MCC: variants seen among roughly 807,000 people sequenced by gnomAD.
The protein encoded by MCC is MCC regulator of Wnt signaling pathway, also known as colorectal mutant cancer protein.
Under a neutral mutation model 116.2 loss-of-function variants are expected in MCC, and 90 were observed. The ratio of observed to expected loss-of-function variants is 0.77; its 90% CI spans 0.65 to 0.92. The LOEUF is 0.92. Among genes scored for constraint, MCC ranks in the 40% least tolerant of loss-of-function variants. MCC has a pLI of 0.00. For synonymous variants in MCC, 578 were observed against 510.5 expected (o/e 1.13, Z -1.78); for missense variants, 1,516 against 1,312.2 (o/e 1.16, Z -2.40).
chr5:113,311,535 C>T (rs536098796), intron 3 of MCC, among the ~76,000 whole-genome samples: 2 of 152,306 alleles, frequency 1.3e-5, no homozygotes, highest in South Asian at 2.1e-4. Context: ...CAGTCAAGAA[C>T]AGCAGCTGCC....
At chr5:113,455,392 C>A (rs1771515630) in intron 1 of MCC, among the ~76,000 whole-genome samples, 1 of 152,118 alleles carries the variant, frequency 6.6e-6, no homozygotes, top group South Asian at 2.1e-4. Context: ...CCATCACCAC[C>A]ACCACCCCAC....
chr5:113,070,972 T>C (rs992326292), intron 12 of MCC, 122 bp downstream of exon 12: 1 of 1,072,278 alleles, frequency 9.3e-7, no homozygotes, highest in Non-Finnish European at 1.3e-6. Context: ...AACCGCCAGA[T>C]ATGCCTTGGT....
At chr5:113,293,860 A>G (rs1246927850) in intron 3 of MCC, among the ~76,000 whole-genome samples, 1 of 152,174 alleles carries the variant, frequency 6.6e-6, no homozygotes, top group East Asian at 1.9e-4. Context: ...GAACGTAGCC[A>G]AACGCATCGC....
At chr5:113,133,460 A>G (rs910600654) in intron 5 of MCC, among the ~76,000 whole-genome samples, 9 of 151,180 alleles carry the variant, frequency 6.0e-5, no homozygotes, top group Non-Finnish European at 1.3e-4. Flanking sequence ...TTGCTGTGAC[A>G]GGATTTCATT....
At chr5:113,098,421 G>C (rs894811497) in intron 8 of MCC, among the ~76,000 whole-genome samples, 1 of 152,210 alleles carries the variant, frequency 6.6e-6, no homozygotes, top group Non-Finnish European at 1.5e-5. Flanking sequence ...GTCTGGCACA[G>C]AGATGACCAA....
At chr5:113,364,066 T>C (rs1182032240) in intron 2 of MCC, among the ~76,000 whole-genome samples, 6 of 151,642 alleles carry the variant, frequency 4.0e-5, no homozygotes, top group African/African-American at 9.7e-5. Context: ...ACCTCGTCTG[T>C]ACTAAAATGC....
intron 3 of MCC, among the ~76,000 whole-genome samples, chr5:113,153,484 A>C (rs1760002926): frequency 6.6e-6 from 1 of 152,200 alleles, no homozygotes; most frequent in African/African-American, 2.4e-5. Flanking sequence ...TAGAGTGATA[A>C]TACCTTCTGG....
At chr5:113,273,676 G>A (rs1254306136) in intron 3 of MCC, among the ~76,000 whole-genome samples, 1 of 152,134 alleles carries the variant, frequency 6.6e-6, no homozygotes, top group Non-Finnish European at 1.5e-5. Flanking sequence ...AGTAGGTATG[G>A]GGTGGTGCCA....
chr5:113,280,666 G>A (rs1766008670), intron 3 of MCC, among the ~76,000 whole-genome samples: 1 of 152,200 alleles, frequency 6.6e-6, no homozygotes, highest in Admixed American at 6.5e-5. Context: ...ATCACAGGAA[G>A]AAGGGGCAGT....
rs1357719104 is a variant in MCC at position 113,122,756 on chromosome 5, G to A, written c.955C>T (p.Arg319Ter). The change falls in exon 6 of 19, where the codon CGA becomes TGA. Residue 319 changes from arginine (R) to a stop codon, truncating the protein, a stop_gained. Transcript: ENST00000408903. LOFTEE classifies it high-confidence loss of function. ...GAGGTCTGGTCTTGGTCCATGCTTC[G>A]AGAGTCCTCGTTGACCTCGTGTTGG... is the stretch of plus-strand genomic sequence containing the variant. The part of the protein sequence containing the change: ...QSQHEVNEDS[R>*]SMDQDQTSVS... The A allele has an allele frequency of 3.1e-6, 5 of 1,614,036 alleles. No homozygotes were observed. The highest frequency in any genetic ancestry group is 1.3e-5 in the African/African-American group (1 of 74,918).
chr5:113,028,680 A>G (rs1380781163), intron 18 of MCC, among the ~76,000 whole-genome samples: 2 of 152,226 alleles, frequency 1.3e-5, no homozygotes, highest in Admixed American at 1.3e-4. Context: ...CAGGAGGCAT[A>G]TACCACAGTA....
chr5:113,260,010 T>C (rs1474238076), intron 3 of MCC, among the ~76,000 whole-genome samples: 1 of 152,078 alleles, frequency 6.6e-6, no homozygotes, highest in Non-Finnish European at 1.5e-5. Context: ...AATTTGTTGA[T>C]TAACAAATAT....
chr5:113,211,199 G>A (rs1489534819), intron 3 of MCC, among the ~76,000 whole-genome samples: 1 of 152,178 alleles, frequency 6.6e-6, no homozygotes, highest in Non-Finnish European at 1.5e-5. Context: ...AGACCCCAGA[G>A]AGCTCGCTTG....
chr5:113,398,030 T>C (rs1166472703), intron 1 of MCC, among the ~76,000 whole-genome samples: 1 of 152,202 alleles, frequency 6.6e-6, no homozygotes, highest in East Asian at 1.9e-4. Flanking sequence ...GCAAAGGACA[T>C]GAACAGACAC....
chr5:113,197,599 T>C (rs1325874728), intron 3 of MCC, among the ~76,000 whole-genome samples: 1 of 152,188 alleles, frequency 6.6e-6, no homozygotes, highest in African/African-American at 2.4e-5. Context: ...CCTCCCACTA[T>C]TTCTTGGGTC....
chr5:113,266,873 A>G (rs1765441009), intron 3 of MCC, among the ~76,000 whole-genome samples: 1 of 152,162 alleles, frequency 6.6e-6, no homozygotes, highest in Admixed American at 6.5e-5. Flanking sequence ...AGGGAACACA[A>G]TGGGTCATAA....
chr5:113,373,811 C>G (rs1241432532), intron 2 of MCC, among the ~76,000 whole-genome samples: 1 of 152,160 alleles, frequency 6.6e-6, no homozygotes, highest in Non-Finnish European at 1.5e-5. Context: ...TAAAAGCTAC[C>G]CGTGCATAAT....
At chr5:113,417,237 G>A (rs1291673236) in intron 1 of MCC, among the ~76,000 whole-genome samples, 2 of 152,022 alleles carry the variant, frequency 1.3e-5, no homozygotes, top group Non-Finnish European at 2.9e-5. Context: ...CAAAGTGCTG[G>A]GATTACAGGC....
chr5:113,107,027 C>T (rs1756777538), intron 6 of MCC, among the ~76,000 whole-genome samples: 1 of 152,094 alleles, frequency 6.6e-6, no homozygotes, highest in African/African-American at 2.4e-5. Context: ...GTTTTCTCTC[C>T]TCTACTAAAC....
Sources: allele counts gnomAD v4.1 joint callset (sites outside exome capture counted in the v4.1 genomes callset), GRCh38; gene constraint gnomAD v4.1.1; transcripts MANE v1.5; gene names NCBI Gene and HGNC (gene_info 2026-07-23, HGNC 2026-07-21).